The following CASS4 variants were observed in gnomAD, a reference collection of about 807,000 sequenced individuals.
CASS4 encodes the protein Cas scaffold protein family member 4.
In CASS4, 22 loss-of-function variants were observed where a neutral mutation model predicts 54.2. The observed-to-expected ratio is 0.41, with a 90% CI of 0.29 to 0.58. The LOEUF (loss-of-function observed/expected upper bound fraction) is 0.58, where lower values mean the gene tolerates loss of function less well. CASS4 is among the 20% of genes least tolerant of loss of function. The pLI is 0.36. For synonymous variants in CASS4, 409 were observed against 391.5 expected (o/e 1.04, Z -0.53); for missense variants, 854 against 986.7 (o/e 0.87, Z 1.80).
At chr20:56,425,090 A>G (rs540330817) in intron 1 of CASS4, among the ~76,000 whole-genome samples, 2 of 152,214 alleles carry the variant, frequency 1.3e-5, no homozygotes, top group African/African-American at 2.4e-5. Flanking sequence ...ATGTCCCATC[A>G]TGGGAGGCCC....
intron 2 of CASS4, among the ~76,000 whole-genome samples, chr20:56,439,322 C>G (rs1409048764): frequency 1.3e-5 from 2 of 151,872 alleles, no homozygotes; most frequent in African/African-American, 4.8e-5. Context: ...GTGTGAGCCA[C>G]CATGCCTGGC....
At chr20:56,444,339 G>C (rs1268666720) in intron 2 of CASS4, among the ~76,000 whole-genome samples, 1 of 152,020 alleles carries the variant, frequency 6.6e-6, no homozygotes, top group African/African-American at 2.4e-5. Context: ...AACTTGGAAA[G>C]CCCCCTACTG....
At chr20:56,450,536 T>A (rs1980945974) in intron 3 of CASS4, 63 bp from the exon 4 acceptor site, 7 of 1,452,986 alleles carry the variant, frequency 4.8e-6, no homozygotes, top group Non-Finnish European at 6.7e-6. Flanking sequence ...TAGGGAGTGT[T>A]CGTGATGTGT....
At chr20:56,440,105 A>G (rs991438710) in intron 2 of CASS4, among the ~76,000 whole-genome samples, 3 of 152,252 alleles carry the variant, frequency 2.0e-5, no homozygotes, top group African/African-American at 7.2e-5. Context: ...GCTACAAGAC[A>G]TAGAACCAGA....
intron 3 of CASS4, among the ~76,000 whole-genome samples, chr20:56,447,397 G>A (rs1980768666): frequency 6.6e-6 from 1 of 152,134 alleles, no homozygotes; most frequent in Non-Finnish European, 1.5e-5. Flanking sequence ...GTTCTCTGCT[G>A]GTTCACCATC....
intron 1 of CASS4, among the ~76,000 whole-genome samples, chr20:56,422,769 G>A (rs778684555): frequency 1.5e-4 from 23 of 152,208 alleles, no homozygotes; most frequent in Non-Finnish European, 2.2e-4. Context: ...TAAAGTTTGC[G>A]TTTATTCACA....
chr20:56,429,188 A>G (rs771744378), intron 1 of CASS4, among the ~76,000 whole-genome samples: 9 of 152,194 alleles, frequency 5.9e-5, no homozygotes, highest in Non-Finnish European at 1.2e-4. Flanking sequence ...TAGAGCTGCC[A>G]TGCCTGCGGA....
chr20:56,455,582 G>C (rs1445526141), intron 5 of CASS4, among the ~76,000 whole-genome samples: 1 of 152,190 alleles, frequency 6.6e-6, no homozygotes, highest in African/African-American at 2.4e-5. Flanking sequence ...GTAGGCCTTA[G>C]ACTAGTGGTT....
intron 1 of CASS4, among the ~76,000 whole-genome samples, chr20:56,431,731 A>G (rs918100936): frequency 2.6e-5 from 4 of 152,220 alleles, no homozygotes; most frequent in Non-Finnish European, 5.9e-5. Context: ...TGGACCCTTC[A>G]GGGCAGCTGC....
intron 1 of CASS4, among the ~76,000 whole-genome samples, chr20:56,435,301 CTTTA>C (rs1307406945): frequency 6.4e-4 from 77 of 120,662 alleles, no homozygotes; most frequent in African/African-American, 3.4e-3. Context: ...GTCACTTTTG[CTTTA>C]TTTATGAAAG....
intron 1 of CASS4, among the ~76,000 whole-genome samples, chr20:56,432,278 T>G (rs1338224883): frequency 6.6e-6 from 1 of 152,096 alleles, no homozygotes; most frequent in Non-Finnish European, 1.5e-5. Flanking sequence ...CAGATTATTG[T>G]TTTTTACTGA....
chr20:56,451,829 T>C lies in CASS4; in HGVS notation c.653T>C (p.Val218Ala). 1 of 1,610,104 alleles carries C rather than the reference T, an allele frequency of 6.2e-7. No homozygotes were observed. The highest frequency in any genetic ancestry group is 1.3e-5 in the African/African-American group (1 of 74,930). ...GTGGTTCTCCCACAGGGGCAGGGTG[T>C]TCCCCTGATATCAGTGACTACCTTA... ...PPDSQASGQG[V>A]PLISVTTLRR... The change falls in exon 5 of 6, where the codon GTT becomes GCT. Residue 218 changes from valine to alanine, a missense_variant. By Grantham distance (64) the Val-to-Ala change is moderately conservative. Transcript: ENST00000679887.
Position 56,432,524 on chromosome 20 carries a change from C to G in CASS4, c.37-4640C>G, listed in dbSNP as rs555130926. 5.3e-5 allele frequency among the ~76,000 whole-genome samples: 8 copies of G among 151,850 alleles called. No homozygotes were observed. In the East Asian group the frequency reaches 1.5e-3, roughly 29 times the overall value. ...CTGGGACTATAGGCGTGCACCACCACGCTGGACAATTTTTGTATTTTTTGG... is the reference window on the plus strand; with the variant it reads ...CTGGGACTATAGGCGTGCACCACCAGGCTGGACAATTTTTGTATTTTTTGG... On this transcript the variant is annotated intron_variant, in intron 1 of 5. Transcript: ENST00000679887.
upstream of CASS4, chr20:56,412,223 G>A (rs73285280): frequency 8.5e-4 from 454 of 532,844 alleles, 2 homozygotes; most frequent in African/African-American, 8.0e-3. This position sits in a 1 kb window ranked among gnomAD's most constrained non-coding sequence, Gnocchi z 4.2. Flanking sequence ...ACGTGAGTGT[G>A]GCTTGTATTT....
intron 5 of CASS4, among the ~76,000 whole-genome samples, chr20:56,457,373 T>A (rs1470508351): frequency 1.3e-5 from 2 of 152,198 alleles, no homozygotes; most frequent in Admixed American, 1.3e-4. Flanking sequence ...AGCTTCACCT[T>A]TCAATTGTTA....
chr20:56,416,488 T>C (rs1331011271), intron 1 of CASS4, among the ~76,000 whole-genome samples: 2 of 152,184 alleles, frequency 1.3e-5, no homozygotes, highest in Non-Finnish European at 2.9e-5. Context: ...CAATGTACTT[T>C]AGTGATTCAG....
intron 1 of CASS4, among the ~76,000 whole-genome samples, chr20:56,436,938 G>A (rs911674445): frequency 3.3e-5 from 5 of 152,244 alleles, no homozygotes; most frequent in South Asian, 4.2e-4. Flanking sequence ...ATCCGACCTC[G>A]TCTCAGGATA....
rs974225621 is a variant in CASS4, at chr20:56,412,746, G to A, written c.36+252G>A. Among the ~76,000 whole-genome samples the A allele has an allele frequency of 3.9e-5, 6 of 152,286 alleles. No homozygotes were observed. Among genetic ancestry groups the A allele is most frequent in the East Asian group, 3.9e-4 (2 of 5,180 alleles). ...ATCAGCTTACTTGGTTGACAGCGCCGTCCATCATTTTGCGTCCAGCAAACT... is the reference window on the plus strand; with the variant it reads ...ATCAGCTTACTTGGTTGACAGCGCCATCCATCATTTTGCGTCCAGCAAACT... On this transcript the variant is annotated intron_variant, in intron 1 of 5. Transcript: ENST00000679887. This position sits in a 1 kb window ranked among gnomAD's most constrained non-coding sequence, Gnocchi z 4.2.
Position 56,451,734 on chromosome 20 carries a change from C to T in CASS4, c.643-85C>T, listed in dbSNP as rs1397967586. 27 of 954,692 alleles carry T rather than the reference C, an allele frequency of 2.8e-5. No individual in the cohort carries two copies. The Admixed American group carries it at 3.5e-4, about 12-fold the overall frequency. The allele number at this position is 954,692 out of a possible 1,614,324, so 59.1% of individuals were successfully genotyped here. ...AAATGGGGAGCCACTGAAGGAGCGG[C>T]GGAGTGACGATGAGATTTAAACAAC... On this transcript the variant is annotated intron_variant, in intron 4 of 5. Transcript: ENST00000679887.
Sources: gnomAD v4.1 joint callset for allele counts (sites outside exome capture counted in the v4.1 genomes callset) on GRCh38, gnomAD v4.1.1 for gene constraint, Gnocchi (gnomAD v3.1) non-coding constraint, MANE v1.5 for transcripts, NCBI Gene and HGNC (gene_info 2026-07-23, HGNC 2026-07-21) for gene names.